SPIDR: variants seen among roughly 807,000 people sequenced by gnomAD.
SPIDR encodes DNA repair-scaffolding protein.
In SPIDR, 93 loss-of-function variants were observed where a neutral mutation model predicts 104.6. That is an observed-to-expected ratio of 0.89 (90% confidence interval 0.75 to 1.06). SPIDR has a LOEUF of 1.06. Among genes scored for constraint, SPIDR ranks in the 50% least tolerant of loss-of-function variants. The probability of loss-of-function intolerance (pLI) is 0.00; values close to 1 mark genes in which losing one functional copy is unlikely to be tolerated. For missense variants in SPIDR, 1,154 were observed against 1,111.2 expected (o/e 1.04, Z -0.55); for synonymous variants, 431 against 416.9 (o/e 1.03, Z -0.41).
In SPIDR at chr8:47,386,902, G is replaced by GAGATATAGATAT. The variant is rs201038403; in HGVS notation, c.526-9420_526-9409dup. Among the ~76,000 whole-genome samples the GAGATATAGATAT allele has an allele frequency of 9.6e-3, 957 of 99,258 alleles. 8 individuals carry two copies. The highest frequency in any genetic ancestry group is 0.012 in the South Asian group (38 of 3,196). The allele number at this position is 99,258 out of a possible 152,430, so 65.1% of individuals were successfully genotyped here. On this transcript the variant is annotated intron_variant, in intron 5 of 19. Transcript: ENST00000297423. ...GGAGAGAGAGAGAGAAAGAGAGAGA[G>GAGATATAGATAT]AGATATAGATATAGATATAGATATA...
At chr8:47,652,365 G>A (rs1037940461) in intron 10 of SPIDR, among the ~76,000 whole-genome samples, 1 of 152,152 alleles carries the variant, frequency 6.6e-6, no homozygotes, top group Non-Finnish European at 1.5e-5. Flanking sequence ...AGTCCTAGAG[G>A]CCGTGTTTTG....
chr8:47,446,921 T>C (rs2070751335), intron 8 of SPIDR, among the ~76,000 whole-genome samples: 1 of 152,130 alleles, frequency 6.6e-6, no homozygotes, highest in South Asian at 2.1e-4. Context: ...ACTGAAAACC[T>C]TCCTGAAAGG....
intron 5 of SPIDR, among the ~76,000 whole-genome samples, chr8:47,349,876 A>T (rs1554621186): frequency 6.6e-6 from 1 of 152,304 alleles, no homozygotes; most frequent in East Asian, 1.9e-4. Flanking sequence ...ACCATCTGTC[A>T]TGGCTTCCCT....
intron 5 of SPIDR, among the ~76,000 whole-genome samples, chr8:47,381,192 A>G (rs2059287665): frequency 6.6e-6 from 1 of 152,144 alleles, no homozygotes; most frequent in Non-Finnish European, 1.5e-5. Context: ...CTCTGTACCC[A>G]TTGTACCCAG....
At chr8:47,498,365 A>G (rs1309248399) in intron 8 of SPIDR, among the ~76,000 whole-genome samples, 1 of 152,188 alleles carries the variant, frequency 6.6e-6, no homozygotes, top group Non-Finnish European at 1.5e-5. Flanking sequence ...CCCAGGTTAA[A>G]TATGCTCTTT....
intron 5 of SPIDR, among the ~76,000 whole-genome samples, chr8:47,369,712 T>C (rs564739917): frequency 1.3e-5 from 2 of 152,256 alleles, no homozygotes; most frequent in Non-Finnish European, 2.9e-5. Flanking sequence ...ATGGCAGTTA[T>C]GAAGAGGATA....
intron 8 of SPIDR, among the ~76,000 whole-genome samples, chr8:47,563,166 A>G (rs915317180): frequency 6.6e-6 from 1 of 151,560 alleles, no homozygotes; most frequent in Non-Finnish European, 1.5e-5. Flanking sequence ...CAGATCACAC[A>G]GGCCCTCTTT....
chr8:47,654,182 A>T, intron 10 of SPIDR: 1 of 1,289,636 alleles, frequency 7.8e-7, no homozygotes, highest in Non-Finnish European at 1.0e-6. Context: ...TTCGATAAGA[A>T]GGAGCACTGT....
intron 1 of SPIDR, among the ~76,000 whole-genome samples, chr8:47,271,569 T>C (rs1586121385): frequency 6.6e-6 from 1 of 152,140 alleles, no homozygotes; most frequent in East Asian, 1.9e-4. Flanking sequence ...TCTGTCTTTT[T>C]ATAATTTCTG....
intron 8 of SPIDR, among the ~76,000 whole-genome samples, chr8:47,464,153 CACAG>C (rs1214329204): frequency 2.0e-4 from 29 of 144,334 alleles, no homozygotes; most frequent in Non-Finnish European, 2.3e-4. Context: ...CACACACACA[CACAG>C]AGCACGTTAG....
intron 8 of SPIDR, among the ~76,000 whole-genome samples, chr8:47,561,682 C>G (rs1352511174): frequency 6.6e-6 from 1 of 152,152 alleles, no homozygotes. Context: ...GGATCCTCCC[C>G]CATCTCCCTC....
At chr8:47,515,788 G>A (rs1035527634) in intron 8 of SPIDR, among the ~76,000 whole-genome samples, 1 of 152,190 alleles carries the variant, frequency 6.6e-6, no homozygotes, top group Non-Finnish European at 1.5e-5. Context: ...GCTTTTGTGT[G>A]TATACACATA....
intron 10 of SPIDR, among the ~76,000 whole-genome samples, chr8:47,625,177 A>G (rs2065850787): frequency 6.6e-6 from 1 of 152,246 alleles, no homozygotes; most frequent in Non-Finnish European, 1.5e-5. Flanking sequence ...GCCTTTGACA[A>G]AATTCAACAA....
chr8:47,440,551 G>C lies in SPIDR; in HGVS notation c.1097+9G>C. 1 of 1,606,738 alleles carries C rather than the reference G, an allele frequency of 6.2e-7. No homozygotes were observed. Among genetic ancestry groups the C allele is most frequent in the Non-Finnish European group, 8.5e-7 (1 of 1,174,986 alleles). ...CGGATCTTCCCTCCCTGGTGAGTGC[G>C]CAGAACTTAATCCAGCAGTCACCAA... On this transcript the variant is annotated intron_variant, in intron 8 of 19. Transcript: ENST00000297423.
At chr8:47,438,054 A>T (rs1014057354) in intron 7 of SPIDR, among the ~76,000 whole-genome samples, 2 of 152,170 alleles carry the variant, frequency 1.3e-5, no homozygotes, top group African/African-American at 2.4e-5. Flanking sequence ...GTCTATGGGG[A>T]CTTGAGCTGC....
chr8:47,588,026 C>CATATAAATATATATAT (rs1341956185), intron 8 of SPIDR, among the ~76,000 whole-genome samples: 1 of 23,412 alleles, frequency 4.3e-5, no homozygotes, highest in Non-Finnish European at 1.6e-4. Flanking sequence ...TTAAAATTAG[C>CATATAAATATATATAT]ATATATATAT....
intron 6 of SPIDR, among the ~76,000 whole-genome samples, chr8:47,404,664 C>T (rs546773504): frequency 3.3e-5 from 5 of 152,236 alleles, no homozygotes; most frequent in Admixed American, 3.3e-4. Context: ...CCATGTCACA[C>T]CAGTTAGAAT....
At chr8:47,355,785 A>G (rs560368690) in intron 5 of SPIDR, among the ~76,000 whole-genome samples, 1 of 152,344 alleles carries the variant, frequency 6.6e-6, no homozygotes, top group Non-Finnish European at 1.5e-5. Context: ...GGACCTCTAA[A>G]CACTATTAAA....
At chr8:47,387,642 G>C (rs1418566609) in intron 5 of SPIDR, among the ~76,000 whole-genome samples, 1 of 152,198 alleles carries the variant, frequency 6.6e-6, no homozygotes, top group Non-Finnish European at 1.5e-5. Flanking sequence ...GTTTGATTTT[G>C]AACTTGTTGT....
Sources: gnomAD v4.1 joint callset for allele counts (sites outside exome capture counted in the v4.1 genomes callset) on GRCh38, gnomAD v4.1.1 for gene constraint, MANE v1.5 for transcripts, NCBI Gene and HGNC (gene_info 2026-07-23, HGNC 2026-07-21) for gene names.